The following MDH1 variants were observed in gnomAD, a reference collection of about 807,000 sequenced individuals.
MDH1 encodes the protein malate dehydrogenase 1, also known as malate dehydrogenase, cytoplasmic.
A neutral mutation model predicts 38.7 loss-of-function variants in MDH1; 15 were observed. The observed-to-expected ratio is 0.39, with a 90% confidence interval of 0.26 to 0.60. The LOEUF (loss-of-function observed/expected upper bound fraction) is 0.60, where lower values mean the gene tolerates loss of function less well. Among genes scored for constraint, MDH1 ranks in the 20% least tolerant of loss-of-function variants. The pLI is 0.56. For synonymous variants in MDH1, 144 were observed against 143.6 expected, an observed-to-expected ratio of 1.00 and a Z score of -0.02; for missense variants, 368 against 405.2, an observed-to-expected ratio of 0.91 and a Z score of 0.79.
At chr2:63,595,394 T>C in intron 2 of MDH1, 29 bp from the exon 3 acceptor site, 1 of 1,364,972 alleles carries the variant, frequency 7.3e-7, no homozygotes. Context: ...TAGCCTACAC[T>C]AACAGATGCT....
At position 63,597,495 on chromosome 2, in the gene MDH1, A is replaced by G; in HGVS notation, c.296A>G (p.Lys99Arg). 1 of 1,526,580 alleles carries G rather than the reference A, an allele frequency of 6.6e-7. No individual in the cohort carries two copies. The highest frequency in any genetic ancestry group is 8.8e-7 in the Non-Finnish European group (1 of 1,130,586). The allele number at this position is 1,526,580 out of a possible 1,614,324, so 94.6% of individuals were successfully genotyped here. ...CCAAGAAGGGAAGGCATGGAGAGAA[A>G]AGATTTACTGAAAGCAAATGTGAAA... Reference protein sequence around the residue: ...SMPRREGMERKDLLKANVKIF... With the variant: ...SMPRREGMERRDLLKANVKIF... Residue 99 changes from lysine to arginine, a missense_variant, in exon 4 of 9, where the codon AAA becomes AGA. Transcript: ENST00000233114.
Position 63,604,702 on chromosome 2 carries a change from C to T in MDH1, c.505C>T (p.Leu169Phe), listed in dbSNP as rs371192240. 18 of 1,612,916 alleles carry T rather than the reference C, an allele frequency of 1.1e-5. No individual in the cohort carries two copies. The highest frequency in any genetic ancestry group is 1.5e-5 in the Non-Finnish European group (18 of 1,179,592). ...TTGTTTTCAATTTAACTAGATTGCT[C>T]TTAAACTTGGTGTGACTGCTAATGA... ...DHNRAKAQIA[L>F]KLGVTANDVK... Residue 169 changes from leucine to phenylalanine, a missense_variant, in exon 6 of 9, where the codon CTT becomes TTT. Physicochemically the swap from Leu to Phe is conservative, Grantham distance 22 (BLOSUM62 0). Coordinates refer to ENST00000233114, the MANE Select transcript of MDH1 (RefSeq NM_005917.4).
At position 63,604,958 on chromosome 2, in the gene MDH1, G is replaced by T. The variant is rs1198591216; in HGVS notation, c.675+86G>T. 4 of 1,320,330 alleles carry T rather than the reference G, an allele frequency of 3.0e-6. No individual in the cohort carries two copies. In the African/African-American group the frequency reaches 5.9e-5, roughly 19 times the overall value. The allele number at this position is 1,320,330 out of a possible 1,614,324, so 81.8% of individuals were successfully genotyped here. On this transcript the variant is annotated intron_variant, in intron 6 of 8. Coordinates refer to ENST00000233114, the MANE Select transcript of MDH1 (RefSeq NM_005917.4). ...GGACAGAAAACCTTAAAGAGGGCAGGTCTTTCACAGTTGCTCTGATGACTG... is the reference window on the plus strand; with the variant it reads ...GGACAGAAAACCTTAAAGAGGGCAGTTCTTTCACAGTTGCTCTGATGACTG...
intron 1 of MDH1, chr2:63,590,932 T>C (rs1212939552): frequency 1.3e-5 from 2 of 152,174 alleles, no homozygotes; most frequent in Non-Finnish European, 2.9e-5. Context: ...CTGTAGGGAG[T>C]GACAGCAAAA....
At chr2:63,591,560 GTTAAAC>G (rs1481849374) in intron 1 of MDH1, among the ~76,000 whole-genome samples, 2 of 152,316 alleles carry the variant, frequency 1.3e-5, no homozygotes, top group African/African-American at 4.8e-5. Flanking sequence ...CTTATGGGAA[GTTAAAC>G]TTAATAGATA....
chr2:63,605,414 A>G lies in MDH1; in HGVS notation c.789+21A>G, dbSNP rs374291795. 1.3e-5 allele frequency: 19 copies of G among 1,489,402 alleles called. No individual in the cohort carries two copies. In the South Asian group the frequency reaches 1.7e-4, roughly 13 times the overall value. The allele number at this position is 1,489,402 out of a possible 1,614,324, so 92.3% of individuals were successfully genotyped here. A position where few individuals can be genotyped will look rare whatever the true frequency, so the allele number is the denominator to read the frequency against. On this transcript the variant is annotated intron_variant, in intron 7 of 8. Coordinates refer to ENST00000233114, the MANE Select transcript of MDH1 (RefSeq NM_005917.4). ...CAGAGGTAAGGATTTAGTGATTTGC[A>G]CAGGTCACTCTATTTTATTTTTGTT...
chr2:63,599,403 A>G (rs1455322429), intron 5 of MDH1, 111 bp downstream of exon 5: 7 of 1,060,172 alleles, frequency 6.6e-6, no homozygotes, highest in Non-Finnish European at 9.2e-6. Context: ...TTTGTTTAGT[A>G]GGAACCTATT....
chr2:63,594,938 G>C, intron 2 of MDH1: 1 of 258,664 alleles, frequency 3.9e-6, no homozygotes, highest in South Asian at 4.7e-5. Context: ...GGAACCAAAA[G>C]AGTAAGGAAA....
chr2:63,590,295 A>G (rs1709161214), intron 1 of MDH1: 1 of 152,178 alleles, frequency 6.6e-6, no homozygotes, highest in Admixed American at 6.5e-5. Context: ...AATGGAGTTT[A>G]TCGAGACCCA....
chr2:63,595,349 A>C lies in MDH1; in HGVS notation c.103-74A>C. On this transcript the variant is annotated intron_variant, in intron 2 of 8. Transcript: ENST00000233114. ...ACATGCATGTACATACCAAATAAAA[A>C]CTATGTGAAAAGACTTTCTTGTGTC... 3 of 924,412 alleles carry C rather than the reference A, an allele frequency of 3.2e-6. No individual in the cohort carries two copies. The South Asian group carries it at 4.0e-5, about 12-fold the overall frequency. 57.3% of individuals were successfully genotyped at this position (924,412 alleles called of 1,614,324 possible).
At chr2:63,605,000 TAGTA>T in intron 6 of MDH1, 128 bp downstream of exon 6, 1 of 891,104 alleles carries the variant, frequency 1.1e-6, no homozygotes, top group Non-Finnish European at 1.7e-6. Flanking sequence ...TTCGGGATCA[TAGTA>T]AGCCAGTCAT....
At chr2:63,595,795 T>G (rs1709299567) in intron 3 of MDH1, among the ~76,000 whole-genome samples, 1 of 152,198 alleles carries the variant, frequency 6.6e-6, no homozygotes, top group South Asian at 2.1e-4. Flanking sequence ...TGCACAAGGG[T>G]TATACACCTG....
chr2:63,593,427 TGAC>T, intron 1 of MDH1: 1 of 369,028 alleles, frequency 2.7e-6, no homozygotes, highest in Non-Finnish European at 5.6e-6. Context: ...TTTTTTTCTT[TGAC>T]TTCTATGAGT....
chr2:63,590,811 C>T (rs1709184468), intron 1 of MDH1: 1 of 152,140 alleles, frequency 6.6e-6, no homozygotes, highest in South Asian at 2.1e-4. Flanking sequence ...ACAGCAAACT[C>T]ACACATGACT....
intron 5 of MDH1, among the ~76,000 whole-genome samples, chr2:63,603,003 AGGCTGGAGTGCAATG>A (rs1709457377): frequency 6.9e-6 from 1 of 144,738 alleles, no homozygotes; most frequent in African/African-American, 2.5e-5. Flanking sequence ...CCTGTCGCCT[AGGCTGGAGTGCAATG>A]GCACGATCTC....
intron 2 of MDH1, chr2:63,595,012 C>A (rs1709278014): frequency 3.7e-6 from 1 of 271,368 alleles, no homozygotes; most frequent in South Asian, 4.0e-5. Context: ...ACACTAAAAT[C>A]CTTTTCTAAG....
rs1295047271 is a variant in MDH1, at chr2:63,603,837, A to C, written c.499-859A>C. Among the ~76,000 whole-genome samples, 3 of 152,038 alleles carry C rather than the reference A, an allele frequency of 2.0e-5. No homozygotes were observed. In the East Asian group the frequency reaches 5.8e-4, roughly 29 times the overall value. ...CAAGCCCGGCTAACTTTGTATTTTTAGTAGAGACAGGGTTTCTCCATGTTG... is the reference window on the plus strand; with the variant it reads ...CAAGCCCGGCTAACTTTGTATTTTTCGTAGAGACAGGGTTTCTCCATGTTG... On this transcript the variant is annotated intron_variant, in intron 5 of 8. Coordinates refer to ENST00000233114, the MANE Select transcript of MDH1 (RefSeq NM_005917.4).
chr2:63,604,946 T>TA, intron 6 of MDH1, 74 bp downstream of exon 6: 1 of 1,470,142 alleles, frequency 6.8e-7, no homozygotes, highest in South Asian at 1.3e-5. Context: ...CAGAAAACCT[T>TA]AAAGAGGGCA....
At chr2:63,606,445 A>G (rs1709529417) in intron 8 of MDH1, among the ~76,000 whole-genome samples, 1 of 152,234 alleles carries the variant, frequency 6.6e-6, no homozygotes, top group African/African-American at 2.4e-5. Flanking sequence ...CATTTTTCTC[A>G]GCTTTAAAAC....
Sources: gnomAD v4.1 joint callset for allele counts (sites outside exome capture counted in the v4.1 genomes callset) on GRCh38, gnomAD v4.1.1 for gene constraint, MANE v1.5 for transcripts, NCBI Gene and HGNC (gene_info 2026-07-23, HGNC 2026-07-21) for gene names.